Variants in C4orf50 observed in about 807,000 individuals in gnomAD.
C4orf50 encodes the protein chromosome 4 open reading frame 50, also known as uncharacterized protein C4orf50.
A neutral mutation model predicts 77.2 loss-of-function variants in C4orf50; 80 were observed. The ratio of observed to expected loss-of-function variants is 1.04; its 90% CI spans 0.87 to 1.25. C4orf50 has a LOEUF of 1.25. Ranked by LOEUF, C4orf50 falls within the 50% of genes most tolerant of loss-of-function variation. The pLI is 0.00. For missense variants in C4orf50, 1,257 were observed against 1,152.9 expected, an observed-to-expected ratio of 1.09 and a Z score of -1.31; for synonymous variants, 532 against 465.3, an observed-to-expected ratio of 1.14 and a Z score of -1.84.
exon 28 of C4orf50, chr4:5,988,697 C>G: frequency 6.5e-7 from 1 of 1,536,054 alleles, no homozygotes. Context: ...TGCTCCCTTC[C>G]CCTCACCAAA....
intron 23 of C4orf50, among the ~76,000 whole-genome samples, chr4:6,016,637 G>A (rs899420728): frequency 4.6e-5 from 7 of 152,230 alleles, no homozygotes; most frequent in East Asian, 1.9e-4. Flanking sequence ...TATAGACAAC[G>A]TTCAGTGAGG....
rs140699170 is a variant in C4orf50 at position 5,945,777 on chromosome 4, G to T, written c.*2474+11124C>A. 6.4e-3 allele frequency among the ~76,000 whole-genome samples: 968 copies of T among 152,278 alleles called. 9 individuals are homozygous for T. The highest frequency in any genetic ancestry group is 0.031 in the South Asian group (148 of 4,818). ...GACCAGCTGGCAGGCTGGGCCCTGG[G>T]CTGGGCTGGACCCTGGGCCGGGGCA... On this transcript the variant is annotated intron_variant, in intron 7 of 7. Transcript: ENST00000324058.
Position 6,016,837 on chromosome 4 carries a change from G to T in C4orf50, c.287+1308C>A, listed in dbSNP as rs529939910. 1.1e-3 allele frequency among the ~76,000 whole-genome samples: 161 copies of T among 152,306 alleles called. 1 individual carries two copies. The Middle Eastern group carries it at 0.014, about 13-fold the overall frequency. On this transcript the variant is annotated intron_variant, in intron 23 of 33. Coordinates refer to ENST00000531445, the Ensembl canonical transcript of C4orf50. ...AAAGGAAGAAAAGTAAATCACATGTGCATACACGTTCAATGGTCTGCCTTT... is the reference window on the plus strand; with the variant it reads ...AAAGGAAGAAAAGTAAATCACATGTTCATACACGTTCAATGGTCTGCCTTT...
intron 23 of C4orf50, among the ~76,000 whole-genome samples, 178 bp from the exon 2 acceptor site, chr4:6,012,146 T>C (rs1560604519): frequency 6.6e-6 from 1 of 152,256 alleles, no homozygotes; most frequent in African/African-American, 2.4e-5. Context: ...AGATCATCTA[T>C]AGTACTTCAA....
rs144082798 is a variant in C4orf50, at chr4:5,967,879, C to T, written c.4105-417G>A. Among the ~76,000 whole-genome samples the T allele has an allele frequency of 5.8e-3, 888 of 152,370 alleles. 4 individuals carry two copies. The highest frequency in any genetic ancestry group is 8.3e-3 in the Non-Finnish European group (567 of 68,038). ...TCTGAGTGCACCACCTGCACCACCG[C>T]ACAGACCAGTGTCCTCCTGGTTCCG... is the stretch of plus-strand genomic sequence containing the variant. On this transcript the variant is annotated intron_variant, in intron 31 of 33. Coordinates refer to ENST00000531445, the Ensembl canonical transcript of C4orf50.
rs116738160 is a variant in C4orf50 at position 5,926,507 on chromosome 4, C to T, written c.*2475-28319G>A. 8.2e-3 allele frequency among the ~76,000 whole-genome samples: 1,247 copies of T among 152,222 alleles called. 20 individuals are homozygous for T. Among genetic ancestry groups the T allele is most frequent in the African/African-American group, 0.028 (1,161 of 41,524 alleles). On this transcript the variant is annotated intron_variant, in intron 7 of 7. Transcript: ENST00000324058. ...GTGTTCCTTTTTAGGACGATGAAAA[C>T]GTTCTGAAATTAGTGGTGATGGTGG...
chr4:5,925,312 G>A (rs905855587), intron 7 of C4orf50, among the ~76,000 whole-genome samples: 1 of 152,138 alleles, frequency 6.6e-6, no homozygotes, highest in Non-Finnish European at 1.5e-5. Context: ...GCTGTTGGGG[G>A]ACCCCCAGGC....
chr4:5,969,356 C>T (rs955421866), intron 31 of C4orf50, among the ~76,000 whole-genome samples: 7 of 151,414 alleles, frequency 4.6e-5, no homozygotes, highest in South Asian at 2.1e-4. Flanking sequence ...ATTCTTCAAT[C>T]GTCTGAGTAT....
At chr4:5,904,187 C>T (rs1457273041) in intron 7 of C4orf50, 5 of 152,248 alleles carry the variant, frequency 3.3e-5, no homozygotes, top group Non-Finnish European at 1.5e-5. Context: ...CTGGGCGATG[C>T]TGAGATTTCA....
At chr4:5,897,691 A>G (rs1373851308) in exon 8 of C4orf50, 1 of 152,262 alleles carries the variant, frequency 6.6e-6, no homozygotes, top group Non-Finnish European at 1.5e-5. Flanking sequence ...CATCTCAGTA[A>G]CAAGAGAAAA....
chr4:5,998,647 C>T (rs1224848534), intron 25 of C4orf50, among the ~76,000 whole-genome samples: 2 of 152,226 alleles, frequency 1.3e-5, no homozygotes, highest in Non-Finnish European at 2.9e-5. Context: ...CTTTTCATCT[C>T]TCTGCACGAG....
chr4:5,920,989 C>T (rs1395203106), intron 7 of C4orf50, among the ~76,000 whole-genome samples: 1 of 152,146 alleles, frequency 6.6e-6, no homozygotes, highest in Non-Finnish European at 1.5e-5. Context: ...GGACAGTCAC[C>T]CTCATGCTGA....
Position 6,008,096 on chromosome 4 carries a change from G to T in C4orf50, c.863C>A (p.Ser288Ter). 1 of 399,190 alleles carries T rather than the reference G, an allele frequency of 2.5e-6. No homozygotes were observed. Among genetic ancestry groups the T allele is most frequent in the Non-Finnish European group, 4.4e-6 (1 of 226,178 alleles). The allele number at this position is 399,190 out of a possible 1,614,324, so 24.7% of individuals were successfully genotyped here. The change falls in exon 25 of 34, where the codon TCA (serine) becomes TAA (stop). Residue 288 changes from serine (S) to a stop codon, truncating the protein, a stop_gained. Transcript: ENST00000531445. LOFTEE classifies it high-confidence loss of function. The surrounding 1 kb of genome is among the most constrained non-coding windows in gnomAD (Gnocchi z 6.0). ...CACCTGGCCCTGCAGGCCAATCTCT[G>T]ACAGCTTCAGCCCATAGATGCAGCA...
chr4:5,904,778 T>C (rs1365225695), intron 7 of C4orf50: 1 of 152,192 alleles, frequency 6.6e-6, no homozygotes, highest in Non-Finnish European at 1.5e-5. Context: ...GGGAACTCCA[T>C]CCTAGCCCAA....
chr4:5,963,106 A>T (rs1191529398), intron 33 of C4orf50, among the ~76,000 whole-genome samples: 1 of 151,666 alleles, frequency 6.6e-6, no homozygotes, highest in Non-Finnish European at 1.5e-5. Context: ...GGTTCAAGCA[A>T]TTCTGCCTCA....
chr4:6,014,846 C>A (rs1722622826), intron 23 of C4orf50, among the ~76,000 whole-genome samples: 1 of 152,174 alleles, frequency 6.6e-6, no homozygotes, highest in Non-Finnish European at 1.5e-5. Flanking sequence ...ATGGTGTACC[C>A]CATCTTTAAA....
At chr4:5,969,866 C>T (rs1441032801) in intron 31 of C4orf50, among the ~76,000 whole-genome samples, 1 of 152,140 alleles carries the variant, frequency 6.6e-6, no homozygotes, top group East Asian at 1.9e-4. Context: ...GCTAGGAGCA[C>T]AGGAAGCTCA....
At position 5,919,213 on chromosome 4, in the gene C4orf50, C is replaced by A. The variant is rs1302637553; in HGVS notation, c.*2475-21025G>T. Reference sequence around the variant, plus strand: ...GCCCCTGGCTGTGCCATTTCCGGAGCTGAATGTATTCAGGGGCCTGTTTCC... The same window carrying A: ...GCCCCTGGCTGTGCCATTTCCGGAGATGAATGTATTCAGGGGCCTGTTTCC... On this transcript the variant is annotated intron_variant, in intron 7 of 7. Transcript: ENST00000324058. The surrounding 1 kb of genome is among the most constrained non-coding windows in gnomAD (Gnocchi z 6.5). Among the ~76,000 whole-genome samples, 1 of 152,184 alleles carries A rather than the reference C, an allele frequency of 6.6e-6. No homozygotes were observed. The highest frequency in any genetic ancestry group is 1.5e-5 in the Non-Finnish European group (1 of 68,034).
intron 7 of C4orf50, among the ~76,000 whole-genome samples, chr4:5,948,959 T>TAAAA (rs1718605609): frequency 2.0e-5 from 1 of 50,952 alleles, no homozygotes. Flanking sequence ...AGACTCCATC[T>TAAAA]CAAAAAAAAA....
Sources: gnomAD v4.1 joint callset for allele counts (sites outside exome capture counted in the v4.1 genomes callset) on GRCh38, gnomAD v4.1.1 for gene constraint, Gnocchi (gnomAD v3.1) non-coding constraint, MANE v1.5 for transcripts, NCBI Gene and HGNC (gene_info 2026-07-23, HGNC 2026-07-21) for gene names.